Variants in KCNH5 observed in about 807,000 individuals in gnomAD.
The protein encoded by KCNH5 is voltage-gated delayed rectifier potassium channel KCNH5.
In KCNH5, 46 loss-of-function variants were observed where a neutral mutation model predicts 96.1. The ratio of observed to expected loss-of-function variants is 0.48; its 90% CI spans 0.38 to 0.61. The LOEUF (loss-of-function observed/expected upper bound fraction) is 0.61, where lower values mean the gene tolerates loss of function less well. Ranked by LOEUF, KCNH5 falls within the 20% of genes least tolerant of loss-of-function variation. The pLI, the probability that KCNH5 is intolerant of heterozygous loss-of-function variation, is 0.00. For synonymous variants in KCNH5, 439 were observed against 449.8 expected (o/e 0.98, Z 0.30); for missense variants, 907 against 1,225.8 (o/e 0.74, Z 3.88).
intron 7 of KCNH5, among the ~76,000 whole-genome samples, chr14:62,873,149 CA>C (rs34678951): frequency 0.37 from 41,850 of 113,656 alleles, 6,686 homozygotes; most frequent in South Asian, 0.62. Context: ...GACTCTGACT[CA>C]AAAAAAAAAA....
chr14:62,720,878 G>GCA (rs1424354453), intron 10 of KCNH5, among the ~76,000 whole-genome samples: 7 of 151,770 alleles, frequency 4.6e-5, no homozygotes, highest in Non-Finnish European at 8.8e-5. Flanking sequence ...GCGCGTGCAT[G>GCA]CACACACACA....
intron 7 of KCNH5, among the ~76,000 whole-genome samples, chr14:62,854,432 G>A (rs181762425): frequency 6.6e-6 from 1 of 152,152 alleles, no homozygotes; most frequent in East Asian, 1.9e-4. Context: ...CACTGTTAAG[G>A]CAGGTAGGGG....
intron 10 of KCNH5, among the ~76,000 whole-genome samples, chr14:62,777,393 T>C (rs985885083): frequency 1.3e-5 from 2 of 152,194 alleles, no homozygotes; most frequent in African/African-American, 2.4e-5. Context: ...ACTGCTCTGT[T>C]TGTGGGTCGT....
intron 7 of KCNH5, among the ~76,000 whole-genome samples, chr14:62,921,173 T>C (rs1468631948): frequency 6.6e-6 from 1 of 151,942 alleles, no homozygotes; most frequent in East Asian, 1.9e-4. Context: ...AAAAAAAAAG[T>C]CAAATGTGGT....
At chr14:62,909,237 G>C (rs1321111179) in intron 7 of KCNH5, among the ~76,000 whole-genome samples, 1 of 150,502 alleles carries the variant, frequency 6.6e-6, no homozygotes, top group Non-Finnish European at 1.5e-5. Flanking sequence ...AGTAGAGACG[G>C]GGTTTCACCG....
At chr14:62,974,872 A>G (rs1054151699) in intron 6 of KCNH5, among the ~76,000 whole-genome samples, 1 of 152,222 alleles carries the variant, frequency 6.6e-6, no homozygotes, top group African/African-American at 2.4e-5. Context: ...AAGAAATACC[A>G]AGGAGATGGA....
At chr14:62,715,556 A>T (rs1194554976) in intron 10 of KCNH5, among the ~76,000 whole-genome samples, 1 of 152,232 alleles carries the variant, frequency 6.6e-6, no homozygotes, top group Admixed American at 6.5e-5. Flanking sequence ...AGTGAAGGCC[A>T]CAGTGATGGG....
chr14:62,967,855 T>G (rs983542165), intron 6 of KCNH5, among the ~76,000 whole-genome samples: 2 of 152,228 alleles, frequency 1.3e-5, no homozygotes, highest in African/African-American at 2.4e-5. Context: ...TCTTTGCCTC[T>G]ATGTTAGAAT....
chr14:62,846,789 C>CTTTTTTTTTTTTTTT (rs766919022), intron 8 of KCNH5, among the ~76,000 whole-genome samples: 1 of 67,480 alleles, frequency 1.5e-5, no homozygotes, highest in Non-Finnish European at 2.7e-5. Context: ...TGTATTGTAT[C>CTTTTTTTTTTTTTTT]TTTTTTTTTT....
intron 9 of KCNH5, among the ~76,000 whole-genome samples, chr14:62,797,987 G>GA (rs1413524192): frequency 6.6e-6 from 1 of 152,138 alleles, no homozygotes; most frequent in Non-Finnish European, 1.5e-5. Context: ...AAAGTGCTAG[G>GA]ATTACAGGCA....
intron 7 of KCNH5, among the ~76,000 whole-genome samples, chr14:62,850,053 G>A (rs960251751): frequency 6.6e-6 from 1 of 152,132 alleles, no homozygotes; most frequent in African/African-American, 2.4e-5. Context: ...ATGACTTTAT[G>A]AGCATGCAGA....
intron 1 of KCNH5, among the ~76,000 whole-genome samples, chr14:63,021,941 G>A (rs572540302): frequency 6.6e-6 from 1 of 152,160 alleles, no homozygotes; most frequent in South Asian, 2.1e-4. Context: ...AGACATTAGA[G>A]TGCCTAAGTC....
At chr14:62,909,280 C>T (rs1889103491) in intron 7 of KCNH5, among the ~76,000 whole-genome samples, 1 of 151,474 alleles carries the variant, frequency 6.6e-6, no homozygotes, top group African/African-American at 2.4e-5. Flanking sequence ...CTCCTGACCT[C>T]GTGATCCGCC....
chr14:62,779,989 A>G (rs945628004), intron 9 of KCNH5, 65 bp from the exon 10 acceptor site: 75 of 1,345,824 alleles, frequency 5.6e-5, no homozygotes, highest in Non-Finnish European at 7.5e-5. Context: ...CACTCTTGTT[A>G]TTCAGTTTCA....
At chr14:63,016,786 T>G (rs748242410) in intron 2 of KCNH5, 45 bp downstream of exon 2, 29 of 1,586,176 alleles carry the variant, frequency 1.8e-5, no homozygotes, top group Non-Finnish European at 2.3e-5. Context: ...CATTCAGATT[T>G]TTGTTAAATT....
intron 1 of KCNH5, among the ~76,000 whole-genome samples, chr14:63,031,797 T>C (rs1011666034): frequency 1.3e-5 from 2 of 152,166 alleles, no homozygotes; most frequent in Non-Finnish European, 2.9e-5. Context: ...AGATGATGAA[T>C]AGGTTAATTT....
At chr14:62,785,146 T>TCA (rs746820320) in intron 9 of KCNH5, among the ~76,000 whole-genome samples, 18 of 152,220 alleles carry the variant, frequency 1.2e-4, no homozygotes, top group Non-Finnish European at 2.4e-4. Context: ...CTATGTCACC[T>TCA]ATGAGGCAAT....
chr14:62,878,358 TAAAAAAAGAAA>T (rs1262802374), intron 7 of KCNH5, among the ~76,000 whole-genome samples: 2 of 150,968 alleles, frequency 1.3e-5, no homozygotes, highest in Non-Finnish European at 3.0e-5. Context: ...AATAATAAAA[TAAAAAAAGAAA>T]AAAAAGAAAC....
At chr14:62,806,849 T>A (rs1467258739) in intron 8 of KCNH5, among the ~76,000 whole-genome samples, 5 of 152,120 alleles carry the variant, frequency 3.3e-5, no homozygotes, top group Non-Finnish European at 7.4e-5. Flanking sequence ...TAACTGCTAT[T>A]CTCTTTGGAT....
Sources: allele counts gnomAD v4.1 joint callset (sites outside exome capture counted in the v4.1 genomes callset), GRCh38; gene constraint gnomAD v4.1.1; transcripts MANE v1.5; gene names NCBI Gene and HGNC (gene_info 2026-07-23, HGNC 2026-07-21).